HUS1: variants seen among roughly 807,000 people sequenced by gnomAD.
HUS1 encodes the protein checkpoint protein HUS1.
Under a neutral mutation model 32.6 loss-of-function variants are expected in HUS1, and 31 were observed. The observed-to-expected ratio is 0.95, with a 90% confidence interval of 0.72 to 1.28. HUS1 has a LOEUF of 1.28. HUS1 is among the 50% of genes most tolerant of loss of function. The probability of loss-of-function intolerance (pLI) is 0.00; values close to 1 mark genes in which losing one functional copy is unlikely to be tolerated. For synonymous variants in HUS1, 123 were observed against 116.6 expected (o/e 1.06, Z -0.36); for missense variants, 340 against 337.7 (o/e 1.01, Z -0.05).
intron 5 of HUS1, among the ~76,000 whole-genome samples, chr7:47,972,062 T>C (rs977950592): frequency 2.0e-5 from 3 of 152,190 alleles, no homozygotes; most frequent in African/African-American, 4.8e-5. Flanking sequence ...CAAAAAAATA[T>C]ATTGTTATAT....
At chr7:47,970,704 C>G (rs894795819) in intron 5 of HUS1, among the ~76,000 whole-genome samples, 2 of 152,136 alleles carry the variant, frequency 1.3e-5, no homozygotes, top group Non-Finnish European at 2.9e-5. Context: ...CCCGGATGGT[C>G]AAGACAATTG....
intron 5 of HUS1, among the ~76,000 whole-genome samples, chr7:47,969,594 C>T (rs1221194701): frequency 2.0e-5 from 3 of 152,124 alleles, no homozygotes; most frequent in African/African-American, 4.8e-5. Flanking sequence ...GGTGGAACTC[C>T]GAGAGGACTT....
intron 6 of HUS1, 107 bp downstream of exon 6, chr7:47,969,112 C>T (rs1788540877): frequency 3.2e-6 from 2 of 626,216 alleles, no homozygotes; most frequent in Non-Finnish European, 5.6e-6. Context: ...AAGCATGAAA[C>T]AAAGTCAACT....
intron 5 of HUS1, among the ~76,000 whole-genome samples, chr7:47,972,938 T>C (rs1308580533): frequency 6.6e-6 from 1 of 152,172 alleles, no homozygotes; most frequent in Non-Finnish European, 1.5e-5. Flanking sequence ...TCATCTCGAA[T>C]TGTAATCCCC....
chr7:47,967,746 T>C lies in HUS1; in HGVS notation c.760+60A>G, dbSNP rs1236534224. 11 of 1,455,438 alleles carry C rather than the reference T, an allele frequency of 7.6e-6. No homozygotes were observed. The Admixed American group carries it at 1.0e-4, about 13-fold the overall frequency. The allele number at this position is 1,455,438 out of a possible 1,614,324, so 90.2% of individuals were successfully genotyped here. Reference sequence around the variant, plus strand: ...CTATATGCAATCTGTTAGACTAGAGTTGACTGCAGTATTTAGAATATGAAA... The same window carrying C: ...CTATATGCAATCTGTTAGACTAGAGCTGACTGCAGTATTTAGAATATGAAA... On this transcript the variant is annotated intron_variant, in intron 7 of 7. Coordinates refer to ENST00000258774, the MANE Select transcript of HUS1 (RefSeq NM_004507.4).
chr7:47,966,097 G>T (rs1454442488), intron 7 of HUS1, among the ~76,000 whole-genome samples: 2 of 147,630 alleles, frequency 1.4e-5, no homozygotes, highest in African/African-American at 5.1e-5. Context: ...AATCCCAGGA[G>T]ATGGGAGGTT....
rs3176557 is a variant in HUS1, at chr7:47,972,262, TATAA to T, written c.541-2948_541-2945del. Among the ~76,000 whole-genome samples, 1,155 of 152,302 alleles carry T rather than the reference TATAA, an allele frequency of 7.6e-3. 18 individuals carry two copies. Among genetic ancestry groups the T allele is most frequent in the African/African-American group, 0.026 (1,074 of 41,552 alleles). On this transcript the variant is annotated intron_variant, in intron 5 of 7. Transcript: ENST00000258774. ...TGTTTTGAAAAGCAATGGTTTTAGA[TATAA>T]ATAAATAAATACTTATTTAAAAATG...
chr7:47,975,534 C>T, intron 5 of HUS1, 79 bp downstream of exon 5: 1 of 893,106 alleles, frequency 1.1e-6, no homozygotes, highest in Non-Finnish European at 1.9e-6. Flanking sequence ...CCTGCATGGA[C>T]TGCTGCAGGG....
At chr7:47,970,547 G>A (rs192132645) in intron 5 of HUS1, among the ~76,000 whole-genome samples, 93 of 152,210 alleles carry the variant, frequency 6.1e-4, no homozygotes, top group African/African-American at 2.2e-3. Context: ...AAAGACAGTG[G>A]AGAAGATCCA....
At chr7:47,971,634 T>C (rs1788602935) in intron 5 of HUS1, 2 of 447,418 alleles carry the variant, frequency 4.5e-6, no homozygotes, top group South Asian at 1.6e-5. Flanking sequence ...ATTTCTCTTT[T>C]TGATGTTGAT....
At chr7:47,978,386 C>G in intron 3 of HUS1, 31 bp downstream of exon 3, 2 of 1,589,900 alleles carry the variant, frequency 1.3e-6, no homozygotes, top group South Asian at 1.1e-5. Context: ...GCCAAGACTT[C>G]TGTGTTAGAA....
intron 5 of HUS1, among the ~76,000 whole-genome samples, chr7:47,970,271 T>G (rs1402307270): frequency 1.7e-5 from 2 of 116,804 alleles, no homozygotes; most frequent in East Asian, 5.2e-4. Flanking sequence ...TGAACAATAA[T>G]AGACGCTATG....
At chr7:47,978,118 AATGGATAG>A (rs1303551817) in intron 3 of HUS1, 4 of 203,602 alleles carry the variant, frequency 2.0e-5, no homozygotes, top group Non-Finnish European at 3.4e-5. Flanking sequence ...CAAAGGTGAA[AATGGATAG>A]AGAAACCATG....
At chr7:47,971,535 C>G (rs1317530584) in intron 5 of HUS1, 1 of 456,718 alleles carries the variant, frequency 2.2e-6, no homozygotes, top group East Asian at 6.9e-5. Flanking sequence ...GAAGCATATG[C>G]CACAGTATGG....
In HUS1 at chr7:47,976,748, C is replaced by T. The variant is rs1262521564; in HGVS notation, c.447G>A (p.Pro149=). Residue 149 remains proline, a synonymous_variant, in exon 4 of 8, where the codon CCG becomes CCA. Coordinates refer to ENST00000258774, the MANE Select transcript of HUS1 (RefSeq NM_004507.4). ...CACCTACATCAGGATCTGGGACCAC[C>T]GGTTCTTGTAAGTCCTTCCACAATT... The part of the protein sequence containing the change: ...PRKLWKDLQE[P]VVPDPDVSIY... 6.8e-6 allele frequency: 11 copies of T among 1,609,572 alleles called. No homozygotes were observed. Among genetic ancestry groups the T allele is most frequent in the Middle Eastern group, 1.6e-4 (1 of 6,084 alleles).
At chr7:47,978,226 TATG>T (rs1788748035) in intron 3 of HUS1, 188 bp downstream of exon 3, 2 of 514,520 alleles carry the variant, frequency 3.9e-6, no homozygotes, top group Non-Finnish European at 6.8e-6. Flanking sequence ...GCTGAATGCA[TATG>T]ATAACAACAC....
rs1788456812 is a variant in HUS1, at chr7:47,965,389, C to T, written c.810G>A (p.Val270=). 1.9e-6 allele frequency: 3 copies of T among 1,613,498 alleles called. No individual in the cohort carries two copies. The highest frequency in any genetic ancestry group is 2.5e-6 in the Non-Finnish European group (3 of 1,179,536). Residue 270 remains valine, a synonymous_variant, in exon 8 of 8, where the codon GTG becomes GTA. Coordinates refer to ENST00000258774, the MANE Select transcript of HUS1 (RefSeq NM_004507.4). ...GCGCAGGGATGAAATACTGAAGGGACACGTCTTCATGAAGCAGATCAAAAT... is the reference window on the plus strand; with the variant it reads ...GCGCAGGGATGAAATACTGAAGGGATACGTCTTCATGAAGCAGATCAAAAT... ...MVHFDLLHED[V]SLQYFIPALS is the part of the protein sequence containing the mutation.
At chr7:47,967,692 CTTTTT>C in intron 7 of HUS1, 109 bp downstream of exon 7, 17 of 693,550 alleles carry the variant, frequency 2.5e-5, no homozygotes, top group Non-Finnish European at 3.6e-5. Flanking sequence ...CATAATTGAG[CTTTTT>C]TTTTTTTTTT....
At position 47,977,891 on chromosome 7, in the gene HUS1, C is replaced by CA. The variant is rs1314030661; in HGVS notation, c.357+525dup. Among the ~76,000 whole-genome samples the CA allele has an allele frequency of 2.6e-5, 4 of 151,576 alleles. No individual in the cohort carries two copies. In the East Asian group the frequency reaches 7.7e-4, roughly 29 times the overall value. ...CCTGGGTGATAGAGAGACTCCGTCT[C>CA]AAAAAAAAGGAAATACGAACCTCAT... On this transcript the variant is annotated intron_variant, in intron 3 of 7. Transcript: ENST00000258774.
Sources: allele counts gnomAD v4.1 joint callset (sites outside exome capture counted in the v4.1 genomes callset), GRCh38; gene constraint gnomAD v4.1.1; transcripts MANE v1.5; gene names NCBI Gene and HGNC (gene_info 2026-07-23, HGNC 2026-07-21).